DOCK1: variants seen among roughly 807,000 people sequenced by gnomAD.
The protein encoded by DOCK1 is dedicator of cytokinesis 1.
DOCK1 carries 138 observed loss-of-function variants against 262.7 expected under a neutral mutation model. The observed-to-expected ratio is 0.53, with a 90% CI of 0.46 to 0.61. The LOEUF is 0.61. Ranked by LOEUF, DOCK1 falls within the 20% of genes least tolerant of loss-of-function variation. The pLI is 0.00. For missense variants in DOCK1, 1,908 were observed against 2,370.7 expected (o/e 0.80, Z 4.05); for synonymous variants, 866 against 867.4 (o/e 1.00, Z 0.03).
chr10:127,006,761 G>A (rs990417819), intron 10 of DOCK1, among the ~76,000 whole-genome samples: 19 of 152,144 alleles, frequency 1.2e-4, no homozygotes, highest in African/African-American at 4.6e-4. Context: ...TCCAGGGCTG[G>A]GCACTGGGGA....
intron 27 of DOCK1, among the ~76,000 whole-genome samples, chr10:127,169,463 C>G (rs534359156): frequency 1.3e-5 from 2 of 152,302 alleles, no homozygotes; most frequent in African/African-American, 4.8e-5. Context: ...ATATTCTGGC[C>G]TGAACATTTT....
At chr10:126,948,138 CTGTTGGTGGTGATGGTGGTG>C in intron 1 of DOCK1, among the ~76,000 whole-genome samples, 1 of 96,406 alleles carries the variant, frequency 1.0e-5, no homozygotes, top group Non-Finnish European at 2.2e-5. Context: ...GGTAGTATTA[CTGTTGGTGGTGATGGTGGTG>C]GTTGGTAGTA....
rs1398737677 is a variant in DOCK1 at position 127,347,173 on chromosome 10, A to G, written c.3224+3427A>G. ...CCCCAATGCTTAAATTTTCTCAGGC[A>G]CATACAGTGCCTAGAAATGTGATTT... On this transcript the variant is annotated intron_variant, in intron 31 of 51. Transcript: ENST00000623213. 2.0e-5 allele frequency among the ~76,000 whole-genome samples: 3 copies of G among 152,276 alleles called. No individual in the cohort carries two copies. The East Asian group carries it at 5.8e-4, about 29-fold the overall frequency.
At chr10:127,000,633 A>G (rs924769646) in intron 10 of DOCK1, 4 of 271,894 alleles carry the variant, frequency 1.5e-5, no homozygotes, top group African/African-American at 2.2e-5. Flanking sequence ...GGTGATGGAC[A>G]TAAGAATGGA....
chr10:127,429,058 T>TGTGGATTGGGATGCC (rs2069094461), intron 47 of DOCK1, among the ~76,000 whole-genome samples: 2 of 87,730 alleles, frequency 2.3e-5, no homozygotes, highest in Non-Finnish European at 5.0e-5. Flanking sequence ...ATTGGGGTGC[T>TGTGGATTGGGATGCC]GTGTGGATTG....
At chr10:127,140,149 C>G (rs1483182845) in intron 27 of DOCK1, among the ~76,000 whole-genome samples, 2 of 152,300 alleles carry the variant, frequency 1.3e-5, no homozygotes, top group East Asian at 3.9e-4. Context: ...ATCTCCTAGG[C>G]TAACAGTACA....
chr10:127,032,219 C>T lies in DOCK1; in HGVS notation c.1811C>T (p.Ser604Leu), dbSNP rs368083273. Reference protein sequence around the residue: ...TKAELEEKGHSATGKSMQSLG... With the variant: ...TKAELEEKGHLATGKSMQSLG... Reference sequence around the variant, plus strand: ...GCAGAGTTGGAAGAAAAGGGCCACTCGGCCACCGGCAAGAGCATGCAGAGC... The same window carrying T: ...GCAGAGTTGGAAGAAAAGGGCCACTTGGCCACCGGCAAGAGCATGCAGAGC... Residue 604 changes from serine (S) to leucine (L), a missense_variant, in exon 18 of 52, where the codon TCG (serine) becomes TTG (leucine). Around this residue, in one of 9 missense-constraint regions of DOCK1, gnomAD observed 294 missense variants for 439.9 expected, o/e 0.67. Transcript: ENST00000623213. 71 of 1,600,528 alleles carry T rather than the reference C, an allele frequency of 4.4e-5. 1 individual carries two copies. The Middle Eastern group carries it at 5.0e-4, about 11-fold the overall frequency.
intron 27 of DOCK1, among the ~76,000 whole-genome samples, chr10:127,227,200 C>T (rs1036729970): frequency 1.3e-5 from 2 of 152,210 alleles, no homozygotes; most frequent in Admixed American, 6.5e-5. Context: ...TGCCTGTAGT[C>T]TTCGGCCTTG....
At chr10:127,021,580 G>A (rs971231060) in intron 13 of DOCK1, among the ~76,000 whole-genome samples, 1 of 152,104 alleles carries the variant, frequency 6.6e-6, no homozygotes, top group Non-Finnish European at 1.5e-5. Context: ...GGCCTTGGAG[G>A]CTAAGTGACT....
rs923383155 is a variant in DOCK1 at position 127,176,686 on chromosome 10, A to T, written c.2847+48922A>T. ...CCCCATTAGACAAACCTGTTTTACTACATTCATCAAGAAACCCAATGATGC... is the reference window on the plus strand; with the variant it reads ...CCCCATTAGACAAACCTGTTTTACTTCATTCATCAAGAAACCCAATGATGC... On this transcript the variant is annotated intron_variant, in intron 27 of 51. Coordinates refer to ENST00000623213, the MANE Select transcript of DOCK1 (RefSeq NM_001290223.2). The surrounding 1 kb of genome is among the most constrained non-coding windows in gnomAD (Gnocchi z 4.4). Among the ~76,000 whole-genome samples, 5 of 152,188 alleles carry T rather than the reference A, an allele frequency of 3.3e-5. No homozygotes were observed. The highest frequency in any genetic ancestry group is 7.4e-5 in the Non-Finnish European group (5 of 68,020).
intron 25 of DOCK1, among the ~76,000 whole-genome samples, chr10:127,112,881 G>A (rs1035894888): frequency 1.3e-5 from 2 of 152,128 alleles, no homozygotes; most frequent in African/African-American, 4.8e-5. Context: ...CCCATTTACT[G>A]TCTTTGAGTT....
intron 11 of DOCK1, among the ~76,000 whole-genome samples, chr10:127,011,273 A>C (rs528278648): frequency 1.3e-5 from 2 of 152,322 alleles, no homozygotes; most frequent in South Asian, 4.1e-4. Context: ...GTGCTAATGA[A>C]ACCATTTTTT....
At chr10:127,212,300 C>G (rs975427297) in intron 27 of DOCK1, among the ~76,000 whole-genome samples, 1 of 152,142 alleles carries the variant, frequency 6.6e-6, no homozygotes, top group Non-Finnish European at 1.5e-5. Context: ...AAGGAAACTT[C>G]TACCTGGCCA....
At chr10:127,007,115 A>G (rs1440022285) in intron 10 of DOCK1, among the ~76,000 whole-genome samples, 1 of 152,104 alleles carries the variant, frequency 6.6e-6, no homozygotes. Flanking sequence ...AGCAGCTGTC[A>G]TTTGATGTTG....
At chr10:127,088,581 T>C (rs2047334202) in intron 23 of DOCK1, among the ~76,000 whole-genome samples, 1 of 152,210 alleles carries the variant, frequency 6.6e-6, no homozygotes, top group African/African-American at 2.4e-5. Context: ...CACAATGTGT[T>C]TAAACTATGT....
intron 31 of DOCK1, among the ~76,000 whole-genome samples, chr10:127,348,022 G>A (rs2063726003): frequency 6.6e-6 from 1 of 150,854 alleles, no homozygotes; most frequent in South Asian, 2.1e-4. Context: ...AGGTTGGGGA[G>A]ATAATTAGGA....
intron 33 of DOCK1, among the ~76,000 whole-genome samples, chr10:127,365,162 C>T (rs979475782): frequency 4.8e-4 from 73 of 152,284 alleles, no homozygotes; most frequent in Middle Eastern, 3.4e-3. Context: ...TCTTATCCAT[C>T]GCCTATAAAT....
chr10:127,229,823 G>C (rs1291858924), intron 27 of DOCK1, among the ~76,000 whole-genome samples: 1 of 152,166 alleles, frequency 6.6e-6, no homozygotes, highest in South Asian at 2.1e-4. Flanking sequence ...TTCCGTAATG[G>C]CTGTTTACAA....
rs140611842 is a variant in DOCK1, at chr10:127,321,348, C to T, written c.3045-17658C>T. On this transcript the variant is annotated intron_variant, in intron 29 of 51. Transcript: ENST00000623213. ...TTCCTTCCTCTATCCTCCCTTCTCT[C>T]GCTCTCTCTCTAGCTCATTTTTTTT... is the stretch of plus-strand genomic sequence containing the variant. Among the ~76,000 whole-genome samples, 108 of 118,484 alleles carry T rather than the reference C, an allele frequency of 9.1e-4. No individual in the cohort carries two copies. In the East Asian group the frequency reaches 0.028, roughly 31 times the overall value. The allele number at this position is 118,484 out of a possible 152,430, so 77.7% of individuals were successfully genotyped here.
Sources: gnomAD v4.1 joint callset for allele counts (sites outside exome capture counted in the v4.1 genomes callset) on GRCh38, gnomAD v4.1.1 for gene constraint, gnomAD v4.1.1 regional missense constraint, Gnocchi (gnomAD v3.1) non-coding constraint, MANE v1.5 for transcripts, NCBI Gene and HGNC (gene_info 2026-07-23, HGNC 2026-07-21) for gene names.